The following ABHD15 variants were observed in gnomAD, a reference collection of about 807,000 sequenced individuals.
ABHD15 encodes the protein abhydrolase domain containing 15.
A neutral mutation model predicts 34.4 loss-of-function variants in ABHD15; 34 were observed. The observed-to-expected ratio is 0.99, with a 90% CI of 0.75 to 1.32. The LOEUF is 1.32. Among genes scored for constraint, ABHD15 ranks in the 40% most tolerant of loss-of-function variants. ABHD15 has a pLI of 0.00. For synonymous variants in ABHD15, 314 were observed against 299.2 expected (o/e 1.05, Z -0.51); for missense variants, 644 against 650.4 (o/e 0.99, Z 0.11).
intron 1 of ABHD15, among the ~76,000 whole-genome samples, chr17:29,563,985 T>C (rs2032667955): frequency 6.6e-6 from 1 of 152,230 alleles, no homozygotes; most frequent in South Asian, 2.1e-4. Context: ...AGCACAACAA[T>C]GGGTTCCTCC....
At position 29,562,420 on chromosome 17, in the gene ABHD15, G is replaced by T. The variant is rs1402238803; in HGVS notation, c.*141C>A. On this transcript the variant is annotated 3_prime_UTR_variant, in exon 2 of 2. Coordinates refer to ENST00000307201, the MANE Select transcript of ABHD15 (RefSeq NM_198147.3). The stretch of plus-strand genomic sequence containing the variant: ...CGCAGGACGTTCCTTCTCTTTCAAG[G>T]CACCAATTTAAGAGAGAGGGACTGA... 2.1e-6 allele frequency: 2 copies of T among 955,604 alleles called. No individual in the cohort carries two copies. The highest frequency in any genetic ancestry group is 2.4e-5 in the Admixed American group (1 of 42,174). 59.2% of individuals were successfully genotyped at this position (955,604 alleles called of 1,614,324 possible). A position where few individuals can be genotyped will look rare whatever the true frequency, so the allele number is the denominator to read the frequency against.
rs769238599 is a variant in ABHD15 at position 29,566,595 on chromosome 17, C to T, written c.372G>A (p.Arg124=). 6.4e-5 allele frequency: 103 copies of T among 1,609,248 alleles called. 2 individuals are homozygous for T. The South Asian group carries it at 7.1e-4, about 11-fold the overall frequency. Residue 124 remains arginine, a synonymous_variant, in exon 1 of 2, where the codon CGG becomes CGA. Transcript: ENST00000307201. ...LPVAPGPELA[R]EYLQLADDGL... ...CATCGTCCGCCAACTGCAGGTACTC[C>T]CGGGCCAGCTCAGGCCCAGGCGCTA...
chr17:29,566,267 C>T lies in ABHD15; in HGVS notation c.700G>A (p.Val234Met). 6.2e-7 allele frequency: 1 copy of T among 1,610,942 alleles called. No individual in the cohort carries two copies. Among genetic ancestry groups the T allele is most frequent in the Non-Finnish European group, 8.5e-7 (1 of 1,178,998 alleles). Residue 234 changes from valine (V) to methionine (M), a missense_variant, in exon 1 of 2, where the codon GTG becomes ATG. By Grantham distance (21) the Val-to-Met change is conservative. Transcript: ENST00000307201. ...FRHPAAPLFA[V>M]SEGSGSALLL... ...AGCGCCGAGCCCGAGCCTTCGCTCA[C>T]CGCGAACAGCGGCGCCGCCGGGTGT...
At chr17:29,563,178 A>C in intron 1 of ABHD15, 92 bp from the exon 2 acceptor site, 1 of 1,408,626 alleles carries the variant, frequency 7.1e-7, no homozygotes, top group Admixed American at 2.1e-5. Context: ...GACAGCCCGC[A>C]GGCCAGATCT....
In ABHD15 at chr17:29,566,712, G is replaced by A. The variant is rs2150792123; in HGVS notation, c.255C>T (p.Arg85=). Residue 85 remains arginine (R), a synonymous_variant, in exon 1 of 2, where the codon CGC becomes CGT. Coordinates refer to ENST00000307201, the MANE Select transcript of ABHD15 (RefSeq NM_198147.3). The part of the protein sequence containing the change: ...KPSALAQCLL[R]ALRRSEALEA... ...CCAGCGCCTCTGAGCGCCGCAGGGCGCGCAGCAGGCACTGGGCCAGGGCCG... is the reference window on the plus strand; with the variant it reads ...CCAGCGCCTCTGAGCGCCGCAGGGCACGCAGCAGGCACTGGGCCAGGGCCG... 6.3e-7 allele frequency: 1 copy of A among 1,580,174 alleles called. No individual in the cohort carries two copies. The highest frequency in any genetic ancestry group is 1.8e-5 in the Admixed American group (1 of 56,504).
rs1217241017 is a variant in ABHD15, at chr17:29,566,469, C to T, written c.498G>A (p.Ala166=). 2 of 1,612,196 alleles carry T rather than the reference C, an allele frequency of 1.2e-6. No individual in the cohort carries two copies. Among genetic ancestry groups the T allele is most frequent in the East Asian group, 2.2e-5 (1 of 44,866 alleles). The change falls in exon 1 of 2, where the codon GCG becomes GCA. Residue 166 remains alanine (A), a synonymous_variant. Coordinates refer to ENST00000307201, the MANE Select transcript of ABHD15 (RefSeq NM_198147.3). ...GCACGTTGCGGGTGAGGCGACCCCA[C>T]GCATTGGGGATCACCAGAAGCACCG... ...LPAVLLVIPN[A]WGRLTRNVLG...
chr17:29,567,017 G>C lies in ABHD15; in HGVS notation c.-51C>G. 4 of 1,247,362 alleles carry C rather than the reference G, an allele frequency of 3.2e-6. No homozygotes were observed. Among genetic ancestry groups the C allele is most frequent in the South Asian group, 3.2e-5 (1 of 31,100 alleles). 77.3% of individuals were successfully genotyped at this position (1,247,362 alleles called of 1,614,324 possible). A position where few individuals can be genotyped will look rare whatever the true frequency, so the allele number is the denominator to read the frequency against. ...CAGCGGGCGGCGGGGCCGTCTACTC[G>C]GCGAGCTCCGCGCTTTGCCCGCGGC... is the stretch of plus-strand genomic sequence containing the variant. On this transcript the variant is annotated 5_prime_UTR_variant, in exon 1 of 2. Transcript: ENST00000307201. This position sits in a 1 kb window ranked among gnomAD's most constrained non-coding sequence, Gnocchi z 6.6.
At chr17:29,564,908 T>C (rs539232522) in intron 1 of ABHD15, among the ~76,000 whole-genome samples, 2 of 152,164 alleles carry the variant, frequency 1.3e-5, no homozygotes, top group African/African-American at 2.4e-5. Context: ...CAATGAGTGG[T>C]GATTCCACCA....
In ABHD15 at chr17:29,562,848, G is replaced by A. The variant is rs1341605259; in HGVS notation, c.1120C>T (p.Leu374Phe). The A allele has an allele frequency of 6.2e-7, 1 of 1,614,044 alleles. No individual in the cohort carries two copies. Among genetic ancestry groups the A allele is most frequent in the Non-Finnish European group, 8.5e-7 (1 of 1,179,912 alleles). ...AAGAAGTAGGGGTTGCTGTGGAAGA[G>A]TTCAGTTGTCAGAGTGTGGTCTGGG... ...GPPDHTLTTE[L>F]FHSNPYFFLL... Residue 374 changes from leucine to phenylalanine, a missense_variant, in exon 2 of 2, where the codon CTC becomes TTC. By Grantham distance (22) the Leu-to-Phe change is conservative. Transcript: ENST00000307201.
In ABHD15 at chr17:29,566,389, C is replaced by A. The variant is rs200715985; in HGVS notation, c.578G>T (p.Arg193Leu). Residue 193 changes from arginine (R) to leucine (L), a missense_variant, in exon 1 of 2, where the codon CGC becomes CTC. Physicochemically the swap from Arg to Leu is moderately radical, Grantham distance 102. Coordinates refer to ENST00000307201, the MANE Select transcript of ABHD15 (RefSeq NM_198147.3). ...CAGTGGGCAACCGTGGTGGCCGCGGCGATGGAAGATGACCGGGTAGTAGCC... is the reference window on the plus strand; with the variant it reads ...CAGTGGGCAACCGTGGTGGCCGCGGAGATGGAAGATGACCGGGTAGTAGCC... ...ERGYYPVIFH[R>L]RGHHGCPLVS... 5.0e-6 allele frequency: 8 copies of A among 1,610,858 alleles called. No individual in the cohort carries two copies. In the Admixed American group the frequency reaches 5.0e-5, roughly 10 times the overall value.
chr17:29,563,029 G>A lies in ABHD15; in HGVS notation c.939C>T (p.Ser313=), dbSNP rs145378805. The change falls in exon 2 of 2, where the codon TCC becomes TCT. Residue 313 remains serine (S), a synonymous_variant. Transcript: ENST00000307201. ...AGAGAGCCTCCTCAAACTCTCGAAG[G>A]GAACGGCTCCTGAACAGTCTGCTGG... ...VDTSRLFRSR[S]LREFEEALFC... 5.6e-5 allele frequency: 91 copies of A among 1,612,216 alleles called. No homozygotes were observed. Among genetic ancestry groups the A allele is most frequent in the African/African-American group, 4.7e-4 (35 of 74,912 alleles).
chr17:29,566,244 C>A lies in ABHD15; in HGVS notation c.723G>T (p.Ala241=). ...LFAVSEGSGS[A]LLLSYLGECG... is the part of the protein sequence containing the mutation. ...ACTCGCCCAGGTAGGACAGGAGCAG[C>A]GCCGAGCCCGAGCCTTCGCTCACCG... Residue 241 remains alanine (A), a synonymous_variant, in exon 1 of 2, where the codon GCG becomes GCT. Coordinates refer to ENST00000307201, the MANE Select transcript of ABHD15 (RefSeq NM_198147.3). The A allele has an allele frequency of 1.2e-6, 2 of 1,610,598 alleles. No individual in the cohort carries two copies.
Position 29,562,072 on chromosome 17 carries a change from C to T in ABHD15, c.*489G>A, listed in dbSNP as rs1402895998. ...TGCCGCAGTTGCCAGAGCATTCGGT[C>T]AAAGCAGGGCGCCACAACCACAGAG... On this transcript the variant is annotated 3_prime_UTR_variant, in exon 2 of 2. Transcript: ENST00000307201. The T allele has an allele frequency of 6.5e-6, 1 of 153,336 alleles. No individual in the cohort carries two copies. The highest frequency in any genetic ancestry group is 1.5e-5 in the Non-Finnish European group (1 of 68,878). The allele number at this position is 153,336 out of a possible 1,614,324, so 9.5% of individuals were successfully genotyped here. A position where few individuals can be genotyped will look rare whatever the true frequency, so the allele number is the denominator to read the frequency against.
At position 29,563,122 on chromosome 17, in the gene ABHD15, G is replaced by C. The variant is rs1396947591; in HGVS notation, c.882-36C>G. 5 of 1,570,316 alleles carry C rather than the reference G, an allele frequency of 3.2e-6. No homozygotes were observed. The Admixed American group carries it at 6.8e-5, about 21-fold the overall frequency. ...GGTGTTTAGTGGGGAAGGTGGGAAA[G>C]AGAGGGAAGAATGAGAACATCAGGT... is the stretch of plus-strand genomic sequence containing the variant. On this transcript the variant is annotated intron_variant, in intron 1 of 1. Coordinates refer to ENST00000307201, the MANE Select transcript of ABHD15 (RefSeq NM_198147.3).
Position 29,566,554 on chromosome 17 carries a change from T to G in ABHD15, c.413A>C (p.Asp138Ala), listed in dbSNP as rs369836670. ...CCGAACACAAGGTCCTACCACCCAGTCCAGGGCCACTAGCCCATCGTCCGC... is the reference window on the plus strand; with the variant it reads ...CCGAACACAAGGTCCTACCACCCAGGCCAGGGCCACTAGCCCATCGTCCGC... ...QLADDGLVALDWVVGPCVRGR... is the reference protein window; with the variant it reads ...QLADDGLVALAWVVGPCVRGR... Residue 138 changes from aspartate to alanine, a missense_variant, in exon 1 of 2, where the codon GAC becomes GCC. By Grantham distance (126) the Asp-to-Ala change is moderately radical. Transcript: ENST00000307201. 12 of 1,609,314 alleles carry G rather than the reference T, an allele frequency of 7.5e-6. No individual in the cohort carries two copies. The highest frequency in any genetic ancestry group is 1.0e-5 in the Non-Finnish European group (12 of 1,179,026).
At position 29,566,994 on chromosome 17, in the gene ABHD15, G is replaced by A. The variant is rs2032733484; in HGVS notation, c.-28C>T. 1.6e-6 allele frequency: 2 copies of A among 1,285,902 alleles called. No individual in the cohort carries two copies. Among genetic ancestry groups the A allele is most frequent in the Non-Finnish European group, 2.0e-6 (2 of 1,021,590 alleles). 79.7% of individuals were successfully genotyped at this position (1,285,902 alleles called of 1,614,324 possible). On this transcript the variant is annotated 5_prime_UTR_variant, in exon 1 of 2. Transcript: ENST00000307201. ...CGAAGCTGGAGAGCCCCGGCGGGCA[G>A]CGGGCGGCGGGGCCGTCTACTCGGC...
In ABHD15 at chr17:29,563,016, C is replaced by A. The variant is rs2032652477; in HGVS notation, c.952G>T (p.Glu318Ter). The A allele has an allele frequency of 6.2e-7, 1 of 1,613,060 alleles. No individual in the cohort carries two copies. The highest frequency in any genetic ancestry group is 1.3e-5 in the African/African-American group (1 of 74,920). The change falls in exon 2 of 2, where the codon GAG (glutamate) becomes TAG (stop). Residue 318 changes from glutamate (E) to a stop codon, truncating the protein, a stop_gained. Transcript: ENST00000307201. LOFTEE classifies it high-confidence loss of function. The part of the protein sequence containing the change: ...LFRSRSLREF[E>*]EALFCHTKSF... ...TTGGTGTGGCAGAAGAGAGCCTCCT[C>A]AAACTCTCGAAGGGAACGGCTCCTG...
At position 29,566,725 on chromosome 17, in the gene ABHD15, T is replaced by C; in HGVS notation, c.242A>G (p.Gln81Arg). Residue 81 changes from glutamine to arginine, a missense_variant, in exon 1 of 2, where the codon CAG becomes CGG. Transcript: ENST00000307201. The part of the protein sequence containing the change: ...SLVCKPSALA[Q>R]CLLRALRRSE... ...GCGCCGCAGGGCGCGCAGCAGGCAC[T>C]GGGCCAGGGCCGACGGCTTGCAAAC... 2 of 1,572,852 alleles carry C rather than the reference T, an allele frequency of 1.3e-6. No individual in the cohort carries two copies. Among genetic ancestry groups the C allele is most frequent in the Non-Finnish European group, 1.7e-6 (2 of 1,166,250 alleles).
rs747429685 is a variant in ABHD15, at chr17:29,562,891, G to A, written c.1077C>T (p.Asp359=). The part of the protein sequence containing the change: ...AVPVLCICSA[D]DPVCGPPDHT... Reference sequence around the variant, plus strand: ...GGTCTGGGGGTCCACACACGGGGTCGTCAGCACTGCAGATACACAGCACAG... The same window carrying A: ...GGTCTGGGGGTCCACACACGGGGTCATCAGCACTGCAGATACACAGCACAG... Residue 359 remains aspartate, a synonymous_variant, in exon 2 of 2, where the codon GAC becomes GAT. Transcript: ENST00000307201. 18 of 1,614,032 alleles carry A rather than the reference G, an allele frequency of 1.1e-5. No homozygotes were observed. The highest frequency in any genetic ancestry group is 2.2e-5 in the East Asian group (1 of 44,898).
Sources: gnomAD v4.1 joint callset for allele counts (sites outside exome capture counted in the v4.1 genomes callset) on GRCh38, gnomAD v4.1.1 for gene constraint, Gnocchi (gnomAD v3.1) non-coding constraint, MANE v1.5 for transcripts, NCBI Gene and HGNC (gene_info 2026-07-23, HGNC 2026-07-21) for gene names.